CCDC126: variants seen among roughly 807,000 people sequenced by gnomAD.
The protein encoded by CCDC126 is coiled-coil domain-containing protein 126.
A neutral mutation model predicts 11.7 loss-of-function variants in CCDC126; 5 were observed. The ratio of observed to expected loss-of-function variants is 0.43; its 90% CI spans 0.22 to 0.90. The LOEUF (loss-of-function observed/expected upper bound fraction) is 0.90. CCDC126 is among the 40% of genes least tolerant of loss of function. The pLI, the probability that CCDC126 is intolerant of heterozygous loss-of-function variation, is 0.27. For synonymous variants in CCDC126, 60 were observed against 61.9 expected, an observed-to-expected ratio of 0.97 and a Z score of 0.14; for missense variants, 150 against 163.1, an observed-to-expected ratio of 0.92 and a Z score of 0.44.
intron 3 of CCDC126, among the ~76,000 whole-genome samples, chr7:23,629,163 C>T (rs1270606162): frequency 1.3e-5 from 2 of 152,182 alleles, no homozygotes; most frequent in Admixed American, 1.3e-4. Context: ...ATGTGTCCCT[C>T]CAAAATTCAT....
At chr7:23,606,892 G>A (rs954857546) in intron 2 of CCDC126, among the ~76,000 whole-genome samples, 1 of 151,886 alleles carries the variant, frequency 6.6e-6, no homozygotes, top group East Asian at 1.9e-4. Flanking sequence ...GGAGGATCAC[G>A]TGAGACCAGA....
rs1324872004 is a variant in CCDC126 at position 23,637,228 on chromosome 7, C to T, written c.239-5703C>T. ...TGGGGGGGTCAGCCCCCCGCCCGGCCGGCCGCCCCGTTCGGGAGGGAGGTG... is the reference window on the plus strand; with the variant it reads ...TGGGGGGGTCAGCCCCCCGCCCGGCTGGCCGCCCCGTTCGGGAGGGAGGTG... On this transcript the variant is annotated intron_variant, in intron 3 of 3. Coordinates refer to ENST00000307471, the MANE Select transcript of CCDC126 (RefSeq NM_138771.4). Among the ~76,000 whole-genome samples, 2 of 48,804 alleles carry T rather than the reference C, an allele frequency of 4.1e-5. 1 individual carries two copies. Among genetic ancestry groups the T allele is most frequent in the East Asian group, 1.6e-3 (2 of 1,254 alleles). 32.0% of individuals were successfully genotyped at this position (48,804 alleles called of 152,430 possible).
At position 23,640,508 on chromosome 7, in the gene CCDC126, A is replaced by T. The variant is rs530227674; in HGVS notation, c.239-2423A>T. On this transcript the variant is annotated intron_variant, in intron 3 of 3. Coordinates refer to ENST00000307471, the MANE Select transcript of CCDC126 (RefSeq NM_138771.4). ...GTGAAACTCTGTCTCAAAAAAAAAAATTTTTTTTTTAAATATGCAATTCAT... is the reference window on the plus strand; with the variant it reads ...GTGAAACTCTGTCTCAAAAAAAAAATTTTTTTTTTTAAATATGCAATTCAT... 3.6e-3 allele frequency among the ~76,000 whole-genome samples: 540 copies of T among 151,192 alleles called. 3 individuals carry two copies. Among genetic ancestry groups the T allele is most frequent in the Non-Finnish European group, 5.4e-3 (369 of 67,716 alleles).
chr7:23,630,493 T>TTCAGTCAG (rs144949289), intron 3 of CCDC126, among the ~76,000 whole-genome samples: 32 of 148,382 alleles, frequency 2.2e-4, no homozygotes, highest in Admixed American at 5.4e-4. Context: ...GTGAGACTGT[T>TTCAGTCAG]TCAGTCAATC....
chr7:23,612,641 C>G (rs1423416110), intron 3 of CCDC126, among the ~76,000 whole-genome samples: 1 of 151,908 alleles, frequency 6.6e-6, no homozygotes, highest in Non-Finnish European at 1.5e-5. Flanking sequence ...CCACTGTACT[C>G]CAGCCTAGGC....
Position 23,639,542 on chromosome 7 carries a change from T to C in CCDC126, c.239-3389T>C, listed in dbSNP as rs114450369. Among the ~76,000 whole-genome samples, 1,289 of 152,316 alleles carry C rather than the reference T, an allele frequency of 8.5e-3. 17 individuals carry two copies. Among genetic ancestry groups the C allele is most frequent in the African/African-American group, 0.029 (1,215 of 41,568 alleles). On this transcript the variant is annotated intron_variant, in intron 3 of 3. Transcript: ENST00000307471. ...ACAAATATCTATGTTTATTTCTTTT[T>C]GGTACCATCTGAAAGAAGTATATAT...
At chr7:23,620,549 G>A (rs1177112418) in intron 3 of CCDC126, among the ~76,000 whole-genome samples, 1 of 151,460 alleles carries the variant, frequency 6.6e-6, no homozygotes, top group Non-Finnish European at 1.5e-5. Context: ...TCTGATGGTA[G>A]TTTCTTTTGC....
chr7:23,643,147 A>T lies in CCDC126; in HGVS notation c.*32A>T. The T allele has an allele frequency of 6.3e-7, 1 of 1,586,710 alleles. No individual in the cohort carries two copies. The highest frequency in any genetic ancestry group is 1.1e-5 in the South Asian group (1 of 88,864). The stretch of plus-strand genomic sequence containing the variant: ...AAAATCACCTTGTGCTGCTCCATCC[A>T]CTGTGGATTATATCCTATGGCAGAA... On this transcript the variant is annotated 3_prime_UTR_variant, in exon 4 of 4. Coordinates refer to ENST00000307471, the MANE Select transcript of CCDC126 (RefSeq NM_138771.4).
chr7:23,618,804 C>T (rs1358748001), intron 3 of CCDC126, among the ~76,000 whole-genome samples: 1 of 152,030 alleles, frequency 6.6e-6, no homozygotes, highest in East Asian at 1.9e-4. Flanking sequence ...ATCCACCTGC[C>T]TCCACCTCCC....
Position 23,617,979 on chromosome 7 carries a change from C to G in CCDC126, c.238+6426C>G, listed in dbSNP as rs111892043. Among the ~76,000 whole-genome samples the G allele has an allele frequency of 1.7e-4, 26 of 152,264 alleles. 2 individuals carry two copies. The highest frequency in any genetic ancestry group is 4.3e-4 in the African/African-American group (18 of 41,556). On this transcript the variant is annotated intron_variant, in intron 3 of 3. Coordinates refer to ENST00000307471, the MANE Select transcript of CCDC126 (RefSeq NM_138771.4). ...CTACAGATACAGAGAGCCAAGTATA[C>G]TTACTATTACAGTTTTAGTGTAGAA...
At chr7:23,638,683 C>T (rs1474435214) in intron 3 of CCDC126, among the ~76,000 whole-genome samples, 1 of 120,598 alleles carries the variant, frequency 8.3e-6, no homozygotes, top group Non-Finnish European at 1.7e-5. Flanking sequence ...CCAAATCCCC[C>T]TCTGCGAGAA....
At chr7:23,625,582 A>G (rs1310901202) in intron 3 of CCDC126, among the ~76,000 whole-genome samples, 1 of 150,804 alleles carries the variant, frequency 6.6e-6, no homozygotes, top group African/African-American at 2.4e-5. Context: ...TGTACATATG[A>G]GAATGTGAAT....
At chr7:23,615,766 A>C (rs1360083745) in intron 3 of CCDC126, among the ~76,000 whole-genome samples, 1 of 152,254 alleles carries the variant, frequency 6.6e-6, no homozygotes, top group African/African-American at 2.4e-5. Context: ...TGGATGCAGC[A>C]GTCAGAACAC....
intron 3 of CCDC126, among the ~76,000 whole-genome samples, chr7:23,624,591 G>T (rs1562495504): frequency 6.6e-6 from 1 of 152,204 alleles, no homozygotes; most frequent in Non-Finnish European, 1.5e-5. Flanking sequence ...TATGGTGTCT[G>T]TTATAATAAA....
At chr7:23,630,482 A>G (rs1244101656) in intron 3 of CCDC126, among the ~76,000 whole-genome samples, 2 of 147,134 alleles carry the variant, frequency 1.4e-5, no homozygotes, top group Admixed American at 1.4e-4. Flanking sequence ...TGGGTGACAA[A>G]GTGAGACTGT....
chr7:23,641,666 C>T (rs966241469), intron 3 of CCDC126, among the ~76,000 whole-genome samples: 6 of 152,118 alleles, frequency 3.9e-5, no homozygotes, highest in East Asian at 1.9e-4. Context: ...TAACAGTATT[C>T]GTTGTCACTA....
chr7:23,637,739 C>T lies in CCDC126; in HGVS notation c.239-5192C>T, dbSNP rs1290252197. On this transcript the variant is annotated intron_variant, in intron 3 of 3. Transcript: ENST00000307471. ...CAGCCCCCCGCCCGGCCAGCCGCCC[C>T]GTCCGGGAGGTGAGGGGCGCCTCTG... Among the ~76,000 whole-genome samples the T allele has an allele frequency of 1.6e-4, 8 of 50,918 alleles. No individual in the cohort carries two copies. In the East Asian group the frequency reaches 2.1e-3, roughly 14 times the overall value. 33.4% of individuals were successfully genotyped at this position (50,918 alleles called of 152,430 possible).
At chr7:23,600,691 T>C (rs1167592062) in intron 2 of CCDC126, among the ~76,000 whole-genome samples, 1 of 152,156 alleles carries the variant, frequency 6.6e-6, no homozygotes, top group Non-Finnish European at 1.5e-5. Context: ...ACTTTAGCTA[T>C]AGTTATAATG....
chr7:23,612,176 G>T lies in CCDC126; in HGVS notation c.238+623G>T, dbSNP rs574821888. Among the ~76,000 whole-genome samples the T allele has an allele frequency of 2.6e-5, 4 of 151,372 alleles. No homozygotes were observed. In the South Asian group the frequency reaches 8.4e-4, roughly 32 times the overall value. On this transcript the variant is annotated intron_variant, in intron 3 of 3. Coordinates refer to ENST00000307471, the MANE Select transcript of CCDC126 (RefSeq NM_138771.4). ...AAAAAAAAAAAAAAATGTATCTTGGGCTGGTGTTGATGGCTCACATCTGTA... is the reference window on the plus strand; with the variant it reads ...AAAAAAAAAAAAAAATGTATCTTGGTCTGGTGTTGATGGCTCACATCTGTA...
Sources: gnomAD v4.1 joint callset for allele counts (sites outside exome capture counted in the v4.1 genomes callset) on GRCh38, gnomAD v4.1.1 for gene constraint, MANE v1.5 for transcripts, NCBI Gene and HGNC (gene_info 2026-07-23, HGNC 2026-07-21) for gene names.